Variants in LYN observed in about 807,000 individuals in gnomAD.
The protein encoded by LYN is tyrosine-protein kinase Lyn.
Under a neutral mutation model 65.0 loss-of-function variants are expected in LYN, and 12 were observed. That is an observed-to-expected ratio of 0.18 (90% CI 0.12 to 0.30). The LOEUF is 0.30. Among genes scored for constraint, LYN ranks in the 10% least tolerant of loss-of-function variants. LYN has a pLI of 1.00. For missense variants in LYN, 380 were observed against 623.2 expected (o/e 0.61, Z 4.16); for synonymous variants, 222 against 221.2 (o/e 1.00, Z -0.03).
chr8:55,998,629 A>G (rs1389032475), intron 11 of LYN, 130 bp downstream of exon 11: 15 of 767,426 alleles, frequency 2.0e-5, no homozygotes, highest in Non-Finnish European at 2.9e-5. Flanking sequence ...AAGCTGTACC[A>G]TAATTGTCTG....
chr8:55,920,633 C>T lies in LYN; in HGVS notation c.-5-21222C>T, dbSNP rs572989317. On this transcript the variant is annotated intron_variant, in intron 1 of 12. Transcript: ENST00000519728. ...ATAAATGGAAGAACAAGGATAGACC[C>T]AATTTCCCCTCATTCCAAAGTCCTT... Among the ~76,000 whole-genome samples, 3 of 152,208 alleles carry T rather than the reference C, an allele frequency of 2.0e-5. No homozygotes were observed. The South Asian group carries it at 6.2e-4, about 32-fold the overall frequency.
intron 1 of LYN, among the ~76,000 whole-genome samples, chr8:55,887,106 A>G (rs78888833): frequency 2.1e-3 from 327 of 152,378 alleles, no homozygotes; most frequent in African/African-American, 6.7e-3. Context: ...ATATCTTAAA[A>G]GATAAAACAT....
At chr8:55,909,051 A>C (rs13279909) in intron 1 of LYN, among the ~76,000 whole-genome samples, 7,692 of 33,876 alleles carry the variant, frequency 0.23, 1,297 homozygotes, top group East Asian at 0.52. Context: ...ACACACACAC[A>C]CCCCACATTT....
intron 1 of LYN, among the ~76,000 whole-genome samples, chr8:55,940,072 C>A (rs181588104): frequency 6.1e-4 from 93 of 152,338 alleles, no homozygotes; most frequent in Middle Eastern, 6.8e-3. Context: ...CGCGTGGCAG[C>A]GATGCCGGAG....
At chr8:55,939,591 G>C (rs1238983910) in intron 1 of LYN, among the ~76,000 whole-genome samples, 1 of 152,198 alleles carries the variant, frequency 6.6e-6, no homozygotes, top group African/African-American at 2.4e-5. Context: ...TCAGGGCTCG[G>C]TCCGTGCTGG....
chr8:55,944,305 T>G (rs1806712932), intron 2 of LYN, among the ~76,000 whole-genome samples: 1 of 152,076 alleles, frequency 6.6e-6, no homozygotes, highest in South Asian at 2.1e-4. Flanking sequence ...TGTACAGATA[T>G]AGAACCATAT....
chr8:55,943,550 T>C (rs1806688502), intron 2 of LYN, among the ~76,000 whole-genome samples: 1 of 132,876 alleles, frequency 7.5e-6, no homozygotes, highest in African/African-American at 2.8e-5. Flanking sequence ...CACTCCAGCC[T>C]GGGTGACAGA....
At chr8:55,980,860 C>A (rs929944264) in intron 10 of LYN, among the ~76,000 whole-genome samples, 7 of 152,192 alleles carry the variant, frequency 4.6e-5, no homozygotes, top group Admixed American at 4.6e-4. Context: ...TGTTGTGAAA[C>A]CATCACCAAC....
chr8:55,960,597 C>T (rs547289443), intron 8 of LYN, among the ~76,000 whole-genome samples: 1 of 152,184 alleles, frequency 6.6e-6, no homozygotes, highest in Non-Finnish European at 1.5e-5. Context: ...AGGATACTCC[C>T]TCTCCCAATT....
intron 1 of LYN, among the ~76,000 whole-genome samples, chr8:55,911,574 G>C (rs1428302284): frequency 6.6e-6 from 1 of 151,818 alleles, no homozygotes; most frequent in African/African-American, 2.4e-5. Flanking sequence ...TTCACTACTT[G>C]GTGGAAAGAA....
At chr8:55,962,557 G>A (rs1054788289) in intron 8 of LYN, among the ~76,000 whole-genome samples, 1 of 150,898 alleles carries the variant, frequency 6.6e-6, no homozygotes, top group African/African-American at 2.4e-5. Flanking sequence ...CTGTGGCTAC[G>A]GTTCATTCAT....
chr8:56,009,020 T>C (rs1339586007), intron 12 of LYN, among the ~76,000 whole-genome samples: 1 of 152,270 alleles, frequency 6.6e-6, no homozygotes, highest in African/African-American at 2.4e-5. Context: ...TTGGCAAGCA[T>C]GTAACCAATT....
intron 8 of LYN, among the ~76,000 whole-genome samples, chr8:55,962,800 G>T (rs11998707): frequency 6.6e-6 from 1 of 152,096 alleles, no homozygotes; most frequent in East Asian, 1.9e-4. Flanking sequence ...TTTGCTTTAC[G>T]GTTCTTCAGA....
At chr8:55,911,342 G>A (rs1245154139) in intron 1 of LYN, among the ~76,000 whole-genome samples, 3 of 123,092 alleles carry the variant, frequency 2.4e-5, no homozygotes, top group Non-Finnish European at 3.3e-5. Flanking sequence ...GGCTGCTCTT[G>A]AACTCCTGGC....
intron 12 of LYN, among the ~76,000 whole-genome samples, chr8:56,003,221 A>G (rs1216241006): frequency 1.4e-5 from 2 of 143,514 alleles, no homozygotes; most frequent in African/African-American, 5.9e-5. Context: ...CACCACGCCC[A>G]GCTAATTTTT....
intron 10 of LYN, among the ~76,000 whole-genome samples, chr8:55,993,830 C>T (rs1332039244): frequency 6.6e-6 from 1 of 152,184 alleles, no homozygotes; most frequent in Non-Finnish European, 1.5e-5. Context: ...CTGAATCAAA[C>T]ACATCCTCTT....
At chr8:55,970,146 G>A (rs891255807) in intron 10 of LYN, among the ~76,000 whole-genome samples, 16 of 152,164 alleles carry the variant, frequency 1.1e-4, no homozygotes, top group Non-Finnish European at 1.6e-4. Context: ...TAAATGATGC[G>A]TATGTTTTAT....
At chr8:55,956,966 A>G (rs1807136646) in intron 8 of LYN, among the ~76,000 whole-genome samples, 1 of 152,314 alleles carries the variant, frequency 6.6e-6, no homozygotes, top group Non-Finnish European at 1.5e-5. Flanking sequence ...TCACTTACTC[A>G]TTGCTGTAGC....
At chr8:55,887,041 G>A (rs953880813) in intron 1 of LYN, among the ~76,000 whole-genome samples, 3 of 152,158 alleles carry the variant, frequency 2.0e-5, no homozygotes, top group Non-Finnish European at 2.9e-5. Flanking sequence ...CCAATAGGGA[G>A]GTTTATTAAA....
Sources: allele counts gnomAD v4.1 joint callset (sites outside exome capture counted in the v4.1 genomes callset), GRCh38; gene constraint gnomAD v4.1.1; transcripts MANE v1.5; gene names NCBI Gene and HGNC (gene_info 2026-07-23, HGNC 2026-07-21).